SDK1: variants seen among roughly 807,000 people sequenced by gnomAD.
SDK1 encodes sidekick cell adhesion molecule 1.
In SDK1, 157 loss-of-function variants were observed where a neutral mutation model predicts 245.5. That is an observed-to-expected ratio of 0.64 (90% CI 0.56 to 0.73). The LOEUF (loss-of-function observed/expected upper bound fraction) is 0.73, where lower values mean the gene tolerates loss of function less well. Among genes scored for constraint, SDK1 ranks in the 30% least tolerant of loss-of-function variants. SDK1 has a pLI of 0.00. For synonymous variants in SDK1, 1,647 were observed against 1,278.5 expected (o/e 1.29, Z -6.15); for missense variants, 3,583 against 3,002.3 (o/e 1.19, Z -4.52).
At chr7:3,838,181 G>A (rs1373800588) in intron 5 of SDK1, among the ~76,000 whole-genome samples, 1 of 152,216 alleles carries the variant, frequency 6.6e-6, no homozygotes, top group Non-Finnish European at 1.5e-5. Flanking sequence ...GAGATGGTTG[G>A]TACATAGCCT....
chr7:3,783,024 T>G (rs1780792098), intron 4 of SDK1, among the ~76,000 whole-genome samples: 1 of 152,240 alleles, frequency 6.6e-6, no homozygotes, highest in Non-Finnish European at 1.5e-5. Flanking sequence ...TCATTCATCA[T>G]GATCAAGTGG....
At chr7:3,376,398 G>C (rs1361298265) in intron 1 of SDK1, among the ~76,000 whole-genome samples, 1 of 152,060 alleles carries the variant, frequency 6.6e-6, no homozygotes, top group East Asian at 1.9e-4. Flanking sequence ...AGGAAGATTT[G>C]AGCAACCTGT....
At chr7:3,795,535 C>T (rs563859865) in intron 4 of SDK1, among the ~76,000 whole-genome samples, 7 of 152,208 alleles carry the variant, frequency 4.6e-5, no homozygotes, top group East Asian at 1.9e-4. Context: ...GGATTGGCTG[C>T]GCTCATGGAA....
At chr7:3,995,401 T>C (rs899830542) in intron 14 of SDK1, among the ~76,000 whole-genome samples, 2 of 151,684 alleles carry the variant, frequency 1.3e-5, no homozygotes, top group Non-Finnish European at 2.9e-5. Flanking sequence ...GCTGTCCCCA[T>C]CCCCTCCCTT....
chr7:4,108,345 A>G (rs1439177448), intron 22 of SDK1, among the ~76,000 whole-genome samples: 2 of 152,074 alleles, frequency 1.3e-5, no homozygotes, highest in Non-Finnish European at 2.9e-5. Flanking sequence ...ATCTATCCAC[A>G]TAACTCTTGT....
chr7:3,569,904 G>T (rs985520789), intron 1 of SDK1, among the ~76,000 whole-genome samples: 2 of 152,190 alleles, frequency 1.3e-5, no homozygotes, highest in African/African-American at 4.8e-5. Context: ...GGTGCAGCTT[G>T]TGTTTGATAA....
At chr7:4,119,588 A>T (rs953083091) in intron 25 of SDK1, among the ~76,000 whole-genome samples, 1 of 149,032 alleles carries the variant, frequency 6.7e-6, no homozygotes, top group African/African-American at 2.5e-5. Context: ...GTTACATATC[A>T]TACCCCAATA....
chr7:4,129,946 G>A lies in SDK1; in HGVS notation c.3978G>A (p.Arg1326=), dbSNP rs1195996510. ...FRAKDLDPEP[R]SHIVRGNHTQ... ...CCAAAGACCTGGATCCCGAGCCCAG[G>A]AGCCACATCGTGCGAGGGAACCACA... Residue 1326 remains arginine, a synonymous_variant, in exon 27 of 45, where the codon AGG becomes AGA. Transcript: ENST00000404826. 2 of 1,613,818 alleles carry A rather than the reference G, an allele frequency of 1.2e-6. No homozygotes were observed. Among genetic ancestry groups the A allele is most frequent in the East Asian group, 2.2e-5 (1 of 44,858 alleles).
intron 22 of SDK1, among the ~76,000 whole-genome samples, chr7:4,110,243 G>A (rs1306332082): frequency 6.6e-6 from 1 of 152,204 alleles, no homozygotes; most frequent in African/African-American, 2.4e-5. Flanking sequence ...TGTGCCCACA[G>A]CTCTGTCACT....
Position 4,084,568 on chromosome 7 carries a change from C to T in SDK1, c.3324+4984C>T, listed in dbSNP as rs938810559. Reference sequence around the variant, plus strand: ...CCTCGCTCCCAGCTGGTCCCTGCTTCGACACCTTCCCAGTAGACAGAACAT... The same window carrying T: ...CCTCGCTCCCAGCTGGTCCCTGCTTTGACACCTTCCCAGTAGACAGAACAT... On this transcript the variant is annotated intron_variant, in intron 22 of 44. Transcript: ENST00000404826. Among the ~76,000 whole-genome samples, 10 of 152,260 alleles carry T rather than the reference C, an allele frequency of 6.6e-5. No individual in the cohort carries two copies. In the South Asian group the frequency reaches 1.5e-3, roughly 22 times the overall value.
chr7:3,706,519 G>A lies in SDK1; in HGVS notation c.713+64414G>A, dbSNP rs192875636. On this transcript the variant is annotated intron_variant, in intron 4 of 44. Coordinates refer to ENST00000404826, the MANE Select transcript of SDK1 (RefSeq NM_152744.4). Reference sequence around the variant, plus strand: ...TGGGTTCACACCATTCTCCTGCCTCGGCCTCCCAAATAGCTGGGACTACAG... The same window carrying A: ...TGGGTTCACACCATTCTCCTGCCTCAGCCTCCCAAATAGCTGGGACTACAG... Among the ~76,000 whole-genome samples the A allele has an allele frequency of 3.6e-4, 54 of 151,884 alleles. No homozygotes were observed. The East Asian group carries it at 0.01, about 29-fold the overall frequency.
At chr7:3,320,947 T>C (rs1183330039) in intron 1 of SDK1, among the ~76,000 whole-genome samples, 1 of 152,190 alleles carries the variant, frequency 6.6e-6, no homozygotes, top group Non-Finnish European at 1.5e-5. Context: ...AACCTTGTGC[T>C]TGACAAAAAT....
chr7:3,484,100 T>A (rs1028423509), intron 1 of SDK1, among the ~76,000 whole-genome samples: 1 of 152,208 alleles, frequency 6.6e-6, no homozygotes, highest in African/African-American at 2.4e-5. Context: ...AAGAAATGCC[T>A]TACTTCAGTA....
intron 1 of SDK1, among the ~76,000 whole-genome samples, chr7:3,418,187 C>CGT (rs1562474988): frequency 7.1e-6 from 1 of 140,838 alleles, no homozygotes; most frequent in African/African-American, 2.8e-5. Flanking sequence ...CTGGGTGGTG[C>CGT]GTGCCTGTAA....
At position 3,611,631 on chromosome 7, in the gene SDK1, C is replaced by T. The variant is rs146049623; in HGVS notation, c.299-7449C>T. On this transcript the variant is annotated intron_variant, in intron 1 of 44. Coordinates refer to ENST00000404826, the MANE Select transcript of SDK1 (RefSeq NM_152744.4). ...CTTTAGGGAATCTTCACACTGTTTTCCATAGTGGTCGTGCTAGTTTACATT... is the reference window on the plus strand; with the variant it reads ...CTTTAGGGAATCTTCACACTGTTTTTCATAGTGGTCGTGCTAGTTTACATT... 3.6e-4 allele frequency among the ~76,000 whole-genome samples: 55 copies of T among 152,246 alleles called. 1 individual carries two copies. The East Asian group carries it at 9.5e-3, about 26-fold the overall frequency.
chr7:3,380,839 A>G (rs1298231691), intron 1 of SDK1, among the ~76,000 whole-genome samples: 1 of 152,186 alleles, frequency 6.6e-6, no homozygotes, highest in Non-Finnish European at 1.5e-5. Context: ...GAAAAATAGT[A>G]GCTTTCAAAG....
chr7:3,991,040 G>A (rs1044817109), intron 14 of SDK1, among the ~76,000 whole-genome samples: 2 of 152,220 alleles, frequency 1.3e-5, no homozygotes, highest in African/African-American at 4.8e-5. Flanking sequence ...TGTCCACTGC[G>A]AACAGCAAGG....
In SDK1 at chr7:4,267,404, G is replaced by T; in HGVS notation, c.*2020G>T. 2 of 984,834 alleles carry T rather than the reference G, an allele frequency of 2.0e-6. No homozygotes were observed. The highest frequency in any genetic ancestry group is 4.7e-5 in the South Asian group (1 of 21,244). The allele number at this position is 984,834 out of a possible 1,614,324, so 61.0% of individuals were successfully genotyped here. A position where few individuals can be genotyped will look rare whatever the true frequency, so the allele number is the denominator to read the frequency against. On this transcript the variant is annotated 3_prime_UTR_variant, in exon 45 of 45. Transcript: ENST00000404826. ...ATATTCTAAACCAAAAATCCTAGATGCTCTGCCCAAAGCCACTTCTGCATG... is the reference window on the plus strand; with the variant it reads ...ATATTCTAAACCAAAAATCCTAGATTCTCTGCCCAAAGCCACTTCTGCATG...
intron 4 of SDK1, among the ~76,000 whole-genome samples, chr7:3,691,749 A>G (rs183022879): frequency 3.3e-5 from 5 of 152,296 alleles, no homozygotes; most frequent in Admixed American, 3.3e-4. Flanking sequence ...TCAGAGATTT[A>G]AAAAATAGGG....
Sources: gnomAD v4.1 joint callset for allele counts (sites outside exome capture counted in the v4.1 genomes callset) on GRCh38, gnomAD v4.1.1 for gene constraint, MANE v1.5 for transcripts, NCBI Gene and HGNC (gene_info 2026-07-23, HGNC 2026-07-21) for gene names.